The following TDRD7 variants were observed in gnomAD, a reference collection of about 807,000 sequenced individuals.
TDRD7 encodes the protein tudor domain-containing protein 7.
In TDRD7, 47 loss-of-function variants were observed where a neutral mutation model predicts 109.8. That is an observed-to-expected ratio of 0.43 (90% CI 0.34 to 0.55). TDRD7 has a LOEUF of 0.55. Ranked by LOEUF, TDRD7 falls within the 20% of genes least tolerant of loss-of-function variation. The pLI, the probability that TDRD7 is intolerant of heterozygous loss-of-function variation, is 0.03. For synonymous variants in TDRD7, 424 were observed against 457.3 expected (o/e 0.93, Z 0.93); for missense variants, 1,164 against 1,319.2 (o/e 0.88, Z 1.82).
chr9:97,420,371 G>T (rs754588264), intron 1 of TDRD7, among the ~76,000 whole-genome samples: 1 of 137,768 alleles, frequency 7.3e-6, no homozygotes, highest in African/African-American at 2.6e-5. Context: ...TTTTGGGGGG[G>T]GCGGGTGGGG....
At chr9:97,492,381 C>G (rs1363012222) in intron 16 of TDRD7, among the ~76,000 whole-genome samples, 2 of 152,126 alleles carry the variant, frequency 1.3e-5, no homozygotes, top group African/African-American at 4.8e-5. Context: ...GATCCCACAC[C>G]ACAGCCTTAA....
At chr9:97,490,575 G>T (rs1829291234) in intron 16 of TDRD7, among the ~76,000 whole-genome samples, 1 of 145,064 alleles carries the variant, frequency 6.9e-6, no homozygotes. Context: ...TATCTTGCTT[G>T]GTGTTCTCTG....
rs991497544 is a variant in TDRD7, at chr9:97,448,143, T to C, written c.855+6268T>C. On this transcript the variant is annotated intron_variant, in intron 6 of 16. Transcript: ENST00000355295. ...TACCTTTGATTAAGTCTCTGTGGAA[T>C]ATGCTACAAAACCTTAACTTTCTCA... is the stretch of plus-strand genomic sequence containing the variant. Among the ~76,000 whole-genome samples the C allele has an allele frequency of 3.3e-5, 5 of 152,368 alleles. No homozygotes were observed. In the South Asian group the frequency reaches 8.3e-4, roughly 25 times the overall value.
intron 16 of TDRD7, among the ~76,000 whole-genome samples, chr9:97,490,909 CTTTTTTTTTTTTTT>C (rs1174656625): frequency 2.6e-5 from 2 of 77,648 alleles, no homozygotes; most frequent in Non-Finnish European, 4.7e-5. Context: ...CTTTTCTTTT[CTTTTTTTTTTTTTT>C]TTTTTTTTTT....
intron 14 of TDRD7, 142 bp downstream of exon 14, chr9:97,481,080 G>A (rs111653389): frequency 1.4e-6 from 1 of 737,562 alleles, no homozygotes; most frequent in Non-Finnish European, 2.5e-6. Flanking sequence ...CAGCAAATTG[G>A]CTACATGTGT....
intron 15 of TDRD7, among the ~76,000 whole-genome samples, chr9:97,484,469 AAC>A (rs66794888): frequency 0.054 from 7,919 of 146,684 alleles, 334 homozygotes; most frequent in African/African-American, 0.12. Flanking sequence ...ACCCCTCCCC[AAC>A]ACACACACAC....
chr9:97,494,712 A>ATT (rs796852536), intron 16 of TDRD7, among the ~76,000 whole-genome samples: 23 of 73,502 alleles, frequency 3.1e-4, no homozygotes, highest in Admixed American at 1.2e-3. Context: ...ATATATATAT[A>ATT]TTTTTTTTTT....
chr9:97,419,906 G>A (rs147530926), intron 1 of TDRD7, among the ~76,000 whole-genome samples: 2 of 152,038 alleles, frequency 1.3e-5, no homozygotes, highest in East Asian at 3.9e-4. Context: ...TCTACATCCC[G>A]CGATATCTTA....
At chr9:97,421,337 C>T (rs1056088225) in intron 1 of TDRD7, among the ~76,000 whole-genome samples, 1 of 152,114 alleles carries the variant, frequency 6.6e-6, no homozygotes, top group Non-Finnish European at 1.5e-5. Context: ...ATGACTAATG[C>T]TGTTGAGCAT....
chr9:97,487,915 G>A (rs1014171808), intron 16 of TDRD7, among the ~76,000 whole-genome samples: 2 of 151,932 alleles, frequency 1.3e-5, no homozygotes, highest in African/African-American at 4.8e-5. Flanking sequence ...ACATTCCTGG[G>A]TCATGGAATA....
At chr9:97,440,477 G>A (rs1163463345) in intron 5 of TDRD7, among the ~76,000 whole-genome samples, 1 of 152,180 alleles carries the variant, frequency 6.6e-6, no homozygotes, top group Non-Finnish European at 1.5e-5. Context: ...CTCCTTCCCA[G>A]TCCTTTTATA....
chr9:97,433,694 C>T (rs1165376957), intron 4 of TDRD7, among the ~76,000 whole-genome samples: 2 of 152,078 alleles, frequency 1.3e-5, no homozygotes, highest in Non-Finnish European at 2.9e-5. Flanking sequence ...TAAAAACGAG[C>T]AAAGGACCTG....
intron 5 of TDRD7, 36 bp from the exon 6 acceptor site, chr9:97,441,622 C>T (rs1288546799): frequency 6.6e-7 from 1 of 1,510,204 alleles, no homozygotes. Context: ...AAATGTTAAG[C>T]ATTTTGGTTA....
chr9:97,430,380 C>T (rs929717254), intron 2 of TDRD7, among the ~76,000 whole-genome samples: 2 of 152,188 alleles, frequency 1.3e-5, no homozygotes, highest in Admixed American at 1.3e-4. Flanking sequence ...AGGTCTAAAC[C>T]ACCCCTGTTT....
At chr9:97,422,725 G>GTT (rs78020091) in intron 1 of TDRD7, among the ~76,000 whole-genome samples, 6 of 151,970 alleles carry the variant, frequency 3.9e-5, no homozygotes, top group East Asian at 1.9e-4. Flanking sequence ...TATTCTGAGA[G>GTT]TTTTTTATCA....
intron 5 of TDRD7, among the ~76,000 whole-genome samples, 168 bp downstream of exon 5, chr9:97,439,486 A>G (rs1828261554): frequency 6.6e-6 from 1 of 152,126 alleles, no homozygotes; most frequent in African/African-American, 2.4e-5. Context: ...TTAAGAGAAA[A>G]TGGTGCCTCC....
chr9:97,485,267 C>T (rs752824263), intron 15 of TDRD7, among the ~76,000 whole-genome samples: 1 of 152,206 alleles, frequency 6.6e-6, no homozygotes. Flanking sequence ...TTACCCCAGG[C>T]ATTCTGAATC....
chr9:97,421,074 G>T (rs1827891352), intron 1 of TDRD7, among the ~76,000 whole-genome samples: 1 of 151,354 alleles, frequency 6.6e-6, no homozygotes, highest in Non-Finnish European at 1.5e-5. Flanking sequence ...GGCAGAGGTT[G>T]CAGTGAGCCG....
chr9:97,454,582 G>T (rs1412818426), intron 6 of TDRD7, among the ~76,000 whole-genome samples: 3 of 152,198 alleles, frequency 2.0e-5, no homozygotes, highest in Non-Finnish European at 4.4e-5. Context: ...GCTCCTGAAT[G>T]ACTCCTGGGT....
Sources: allele counts gnomAD v4.1 joint callset (sites outside exome capture counted in the v4.1 genomes callset), GRCh38; gene constraint gnomAD v4.1.1; transcripts MANE v1.5; gene names NCBI Gene and HGNC (gene_info 2026-07-23, HGNC 2026-07-21).